Variants in GRIP1 observed in about 807,000 individuals in gnomAD.
GRIP1 encodes the protein glutamate receptor interacting protein 1.
GRIP1 carries 45 observed loss-of-function variants against 129.9 expected under a neutral mutation model. The observed-to-expected ratio is 0.35, with a 90% CI of 0.27 to 0.44. The LOEUF (loss-of-function observed/expected upper bound fraction) is 0.44. Ranked by LOEUF, GRIP1 falls within the 20% of genes least tolerant of loss-of-function variation. The pLI is 1.00. For missense variants in GRIP1, 1,196 were observed against 1,396.8 expected, an observed-to-expected ratio of 0.86 and a Z score of 2.29; for synonymous variants, 530 against 520.8, an observed-to-expected ratio of 1.02 and a Z score of -0.24.
chr12:66,546,507 C>T (rs2061951142), intron 2 of GRIP1, among the ~76,000 whole-genome samples: 1 of 151,798 alleles, frequency 6.6e-6, no homozygotes, highest in Admixed American at 6.6e-5. Context: ...ATAAGTAAAA[C>T]CACTGTGGTA....
intron 22 of GRIP1, among the ~76,000 whole-genome samples, chr12:66,376,412 T>G (rs1443239408): frequency 2.0e-5 from 3 of 152,100 alleles, no homozygotes; most frequent in Non-Finnish European, 4.4e-5. Context: ...CTCAGAAAAT[T>G]TAAAAGAACA....
At chr12:66,768,032 A>G (rs11176420) in intron 1 of GRIP1, among the ~76,000 whole-genome samples, 12,699 of 152,266 alleles carry the variant, frequency 0.083, 680 homozygotes, top group Admixed American at 0.16. Context: ...AGCAATGAGT[A>G]ATAACATCTA....
At chr12:66,595,264 A>G (rs2064002723) in intron 2 of GRIP1, among the ~76,000 whole-genome samples, 1 of 152,246 alleles carries the variant, frequency 6.6e-6, no homozygotes, top group Non-Finnish European at 1.5e-5. Context: ...AATGTGTGCC[A>G]CAAACCAGGG....
chr12:66,984,080 G>C (rs1170033181), intron 1 of GRIP1, among the ~76,000 whole-genome samples: 3 of 152,126 alleles, frequency 2.0e-5, no homozygotes, highest in Non-Finnish European at 2.9e-5. Flanking sequence ...GAGAAGCAAA[G>C]CCACACTTAG....
chr12:66,717,442 A>G (rs2035926004), intron 1 of GRIP1, among the ~76,000 whole-genome samples: 1 of 152,090 alleles, frequency 6.6e-6, no homozygotes, highest in South Asian at 2.1e-4. Flanking sequence ...GGCTTAGAAA[A>G]TGTACGCATC....
At chr12:66,859,124 A>T (rs1432305465) in intron 1 of GRIP1, among the ~76,000 whole-genome samples, 1 of 151,878 alleles carries the variant, frequency 6.6e-6, no homozygotes, top group Non-Finnish European at 1.5e-5. Flanking sequence ...ATATGAAGGA[A>T]TGTGAATTCA....
intron 2 of GRIP1, 62 bp downstream of exon 2, chr12:66,596,785 G>C: frequency 1.1e-6 from 1 of 914,346 alleles, no homozygotes. Flanking sequence ...GAATTATTTA[G>C]AATCACCAAA....
At chr12:66,929,677 C>A (rs79177383) in intron 1 of GRIP1, among the ~76,000 whole-genome samples, 313 of 152,310 alleles carry the variant, frequency 2.1e-3, no homozygotes, top group Non-Finnish European at 3.3e-3. Context: ...CTAAGCACAA[C>A]TGAAATCTTA....
intron 1 of GRIP1, among the ~76,000 whole-genome samples, chr12:66,809,558 C>G (rs1379776483): frequency 6.6e-6 from 1 of 152,134 alleles, no homozygotes. Context: ...TCTCATTAGA[C>G]CCACTCCTAC....
chr12:66,952,345 T>C (rs2041771396), intron 1 of GRIP1, among the ~76,000 whole-genome samples: 1 of 152,192 alleles, frequency 6.6e-6, no homozygotes, highest in Admixed American at 6.5e-5. Flanking sequence ...GGATCTTATA[T>C]TTTGAGGTTA....
At chr12:66,846,083 T>G (rs2137063405) in intron 1 of GRIP1, among the ~76,000 whole-genome samples, 1 of 152,300 alleles carries the variant, frequency 6.6e-6, no homozygotes, top group South Asian at 2.1e-4. Flanking sequence ...CACATCTCCC[T>G]CCCTGCAAGA....
intron 14 of GRIP1, among the ~76,000 whole-genome samples, chr12:66,432,087 C>T (rs1320444863): frequency 6.6e-6 from 1 of 151,996 alleles, no homozygotes; most frequent in Non-Finnish European, 1.5e-5. Context: ...ATTCACAATA[C>T]ACTGTGAATT....
At chr12:66,412,347 A>G (rs1396215034) in intron 15 of GRIP1, among the ~76,000 whole-genome samples, 5 of 152,218 alleles carry the variant, frequency 3.3e-5, no homozygotes, top group Admixed American at 6.5e-5. Flanking sequence ...TAAAGAAAAT[A>G]ATTTCCAACC....
At chr12:66,642,957 T>C (rs2032059985) in intron 1 of GRIP1, among the ~76,000 whole-genome samples, 1 of 152,178 alleles carries the variant, frequency 6.6e-6, no homozygotes, top group Non-Finnish European at 1.5e-5. Context: ...TTTGACCATA[T>C]GTAATAACAA....
chr12:66,823,923 C>T (rs2039364659), intron 1 of GRIP1, among the ~76,000 whole-genome samples: 6 of 152,182 alleles, frequency 3.9e-5, no homozygotes, highest in Admixed American at 3.9e-4. Flanking sequence ...ATGCCATCCT[C>T]AAACTCTGAA....
intron 1 of GRIP1, among the ~76,000 whole-genome samples, chr12:66,833,368 C>G (rs1273675707): frequency 6.6e-6 from 1 of 152,194 alleles, no homozygotes; most frequent in Non-Finnish European, 1.5e-5. Flanking sequence ...TCCCTGGGCT[C>G]CAAATGAGAA....
chr12:66,759,171 C>T (rs751703504), intron 1 of GRIP1, among the ~76,000 whole-genome samples: 4 of 152,212 alleles, frequency 2.6e-5, no homozygotes, highest in Non-Finnish European at 2.9e-5. Context: ...GAAATCTAGG[C>T]GGAGGTTCCC....
intron 1 of GRIP1, among the ~76,000 whole-genome samples, chr12:66,881,107 C>G (rs973955854): frequency 6.6e-6 from 1 of 151,382 alleles, no homozygotes; most frequent in Non-Finnish European, 1.5e-5. Flanking sequence ...GCACATATTT[C>G]TCCAAATGGA....
chr12:67,000,922 T>C (rs2042541832), intron 1 of GRIP1, among the ~76,000 whole-genome samples: 1 of 152,218 alleles, frequency 6.6e-6, no homozygotes, highest in Non-Finnish European at 1.5e-5. Context: ...ATTTGGGTAA[T>C]ATACTCCATA....
Sources: gnomAD v4.1 joint callset for allele counts (sites outside exome capture counted in the v4.1 genomes callset) on GRCh38, gnomAD v4.1.1 for gene constraint, MANE v1.5 for transcripts, NCBI Gene and HGNC (gene_info 2026-07-23, HGNC 2026-07-21) for gene names.